The following DNAH17 variants were observed in gnomAD, a reference collection of about 807,000 sequenced individuals.
DNAH17 encodes the protein dynein axonemal heavy chain 17.
DNAH17 carries 376 observed loss-of-function variants against 485.6 expected under a neutral mutation model. That is an observed-to-expected ratio of 0.77 (90% CI 0.71 to 0.84). The LOEUF (loss-of-function observed/expected upper bound fraction) is 0.84, where lower values mean the gene tolerates loss of function less well. Ranked by LOEUF, DNAH17 falls within the 40% of genes least tolerant of loss-of-function variation. The pLI, the probability that DNAH17 is intolerant of heterozygous loss-of-function variation, is 0.00. For missense variants in DNAH17, 6,370 were observed against 5,839.3 expected, an observed-to-expected ratio of 1.09 and a Z score of -2.96; for synonymous variants, 3,031 against 2,405.9, an observed-to-expected ratio of 1.26 and a Z score of -7.60.
At chr17:78,501,505 T>A in intron 34 of DNAH17, 161 bp from the exon 35 acceptor site, 2 of 1,001,556 alleles carry the variant, frequency 2.0e-6, no homozygotes, top group Non-Finnish European at 1.4e-6. Flanking sequence ...ATGGCCACCC[T>A]CAGTGGAATC....
chr17:78,452,702 G>C (rs1000579847), intron 65 of DNAH17, among the ~76,000 whole-genome samples: 2 of 152,150 alleles, frequency 1.3e-5, no homozygotes, highest in African/African-American at 4.8e-5. Flanking sequence ...CGTACCACTG[G>C]ACTCCAGCCT....
chr17:78,439,244 AC>A, intron 72 of DNAH17, 27 bp from the exon 73 acceptor site: 1 of 1,592,070 alleles, frequency 6.3e-7, no homozygotes, highest in South Asian at 1.1e-5. Flanking sequence ...CAGGAAAAAA[AC>A]ACCACGTAAT....
Position 78,510,450 on chromosome 17 carries a change from G to A in DNAH17, c.4170C>T (p.Leu1390=). The A allele has an allele frequency of 6.2e-7, 1 of 1,613,832 alleles. No individual in the cohort carries two copies. The highest frequency in any genetic ancestry group is 1.1e-5 in the South Asian group (1 of 91,078). ...TGCGGACCTCATCCTCGTAACTGTG[G>A]AGGTTCAGCTGCAGTAAATCTGCCA... is the stretch of plus-strand genomic sequence containing the variant. ...TTLADLLQLN[L]HSYEDEVRNI... is the part of the protein sequence containing the mutation. The change falls in exon 27 of 81, where the codon CTC becomes CTT. Residue 1390 remains leucine, a synonymous_variant. Coordinates refer to ENST00000389840, the MANE Select transcript of DNAH17 (RefSeq NM_173628.4).
At chr17:78,548,207 T>TTTTTTTTTTTTTC (rs2091818460) in intron 16 of DNAH17, among the ~76,000 whole-genome samples, 1 of 128,328 alleles carries the variant, frequency 7.8e-6, no homozygotes. Context: ...ATGGCCTTTT[T>TTTTTTTTTTTTTC]TTTTTTTTTT....
chr17:78,464,515 C>T (rs1318413139), intron 56 of DNAH17, among the ~76,000 whole-genome samples: 3 of 152,178 alleles, frequency 2.0e-5, no homozygotes, highest in African/African-American at 7.2e-5. Context: ...CCCGCTTTGG[C>T]CCCCCAAAGT....
At chr17:78,516,551 G>C (rs568334538) in intron 25 of DNAH17, among the ~76,000 whole-genome samples, 2 of 152,124 alleles carry the variant, frequency 1.3e-5, no homozygotes, top group Admixed American at 1.3e-4. Context: ...TTAGCCGGGC[G>C]TGATGGCAGG....
intron 22 of DNAH17, among the ~76,000 whole-genome samples, chr17:78,527,340 T>C (rs772415840): frequency 1.3e-5 from 2 of 152,106 alleles, no homozygotes; most frequent in African/African-American, 2.4e-5. Flanking sequence ...TGAGCAAGAT[T>C]GTACCACTGC....
chr17:78,436,325 G>T (rs1196402373), intron 74 of DNAH17, among the ~76,000 whole-genome samples: 1 of 152,206 alleles, frequency 6.6e-6, no homozygotes, highest in African/African-American at 2.4e-5. Flanking sequence ...CTACTTGGGA[G>T]CCTGAGGCAG....
intron 35 of DNAH17, 116 bp from the exon 36 acceptor site, chr17:78,500,577 T>TG (rs2090248371): frequency 9.4e-7 from 1 of 1,068,378 alleles, no homozygotes; most frequent in East Asian, 2.9e-5. Context: ...GGTACAATCT[T>TG]GGCTCACTGC....
At chr17:78,524,878 T>A (rs1308457044) in intron 25 of DNAH17, 131 bp downstream of exon 25, 1 of 1,326,636 alleles carries the variant, frequency 7.5e-7, no homozygotes, top group Admixed American at 2.5e-5. Context: ...TTCGGATGCC[T>A]CCACCCAACA....
chr17:78,479,627 A>G lies in DNAH17; in HGVS notation c.7758T>C (p.His2586=), dbSNP rs2089260471. The G allele has an allele frequency of 6.2e-7, 1 of 1,612,840 alleles. No homozygotes were observed. The highest frequency in any genetic ancestry group is 8.5e-7 in the Non-Finnish European group (1 of 1,179,760). The change falls in exon 50 of 81, where the codon CAT becomes CAC. Residue 2586 remains histidine, a synonymous_variant. Coordinates refer to ENST00000389840, the MANE Select transcript of DNAH17 (RefSeq NM_173628.4). ...GGAAGCTCACAGCAAACACGCAGAA[A>G]TGGCGCTACCCCAAAACAACCAAAC... The part of the protein sequence containing the change: ...SFTIDSRLQR[H]FCVFAVSFPG...
intron 2 of DNAH17, among the ~76,000 whole-genome samples, chr17:78,574,300 G>A (rs1019194369): frequency 1.3e-5 from 2 of 152,086 alleles, no homozygotes; most frequent in African/African-American, 2.4e-5. Context: ...AGACCAGCCT[G>A]GGCAACAGGC....
chr17:78,490,363 C>CA (rs554211779), intron 44 of DNAH17, among the ~76,000 whole-genome samples: 227 of 152,340 alleles, frequency 1.5e-3, no homozygotes, highest in African/African-American at 5.3e-3. Context: ...CCCTTAGAGG[C>CA]AGCCTGACCC....
intron 26 of DNAH17, among the ~76,000 whole-genome samples, chr17:78,512,721 C>T (rs976617117): frequency 5.3e-5 from 8 of 152,158 alleles, no homozygotes; most frequent in Non-Finnish European, 5.9e-5. Flanking sequence ...GCTGGTGGAT[C>T]ACCTGAGGTC....
chr17:78,522,027 CT>C (rs1443117182), intron 25 of DNAH17, among the ~76,000 whole-genome samples: 2 of 152,156 alleles, frequency 1.3e-5, no homozygotes, highest in Non-Finnish European at 2.9e-5. Context: ...GCGAAATACC[CT>C]GTTAAGAGAA....
At chr17:78,550,878 G>T (rs998502319) in intron 16 of DNAH17, among the ~76,000 whole-genome samples, 1 of 152,150 alleles carries the variant, frequency 6.6e-6, no homozygotes, top group Non-Finnish European at 1.5e-5. Flanking sequence ...TGCTATCAAT[G>T]AGCCCTTTCT....
intron 51 of DNAH17, among the ~76,000 whole-genome samples, chr17:78,478,358 A>G (rs565768038): frequency 1.4e-5 from 2 of 143,186 alleles, no homozygotes; most frequent in East Asian, 2.0e-4. Context: ...CCACATCACC[A>G]TCACCACCAC....
intron 49 of DNAH17, 75 bp downstream of exon 49, chr17:78,480,609 G>A: frequency 7.6e-7 from 1 of 1,319,048 alleles, no homozygotes; most frequent in Non-Finnish European, 1.1e-6. Context: ...CTAAACCAAA[G>A]CTTTTCCTCT....
chr17:78,524,962 C>A (rs566838860), intron 25 of DNAH17, 47 bp downstream of exon 25: 39 of 1,573,242 alleles, frequency 2.5e-5, no homozygotes, highest in Non-Finnish European at 3.4e-5. Flanking sequence ...GGGGGCAGCT[C>A]CCTGCAGAAT....
Sources: allele counts gnomAD v4.1 joint callset (sites outside exome capture counted in the v4.1 genomes callset), GRCh38; gene constraint gnomAD v4.1.1; transcripts MANE v1.5; gene names NCBI Gene and HGNC (gene_info 2026-07-23, HGNC 2026-07-21).